Variants in PPARGC1A observed in about 807,000 individuals in gnomAD.
PPARGC1A encodes the protein PPARG coactivator 1 alpha.
Under a neutral mutation model 88.7 loss-of-function variants are expected in PPARGC1A, and 25 were observed. The observed-to-expected ratio is 0.28, with a 90% CI of 0.21 to 0.39. The LOEUF is 0.39. PPARGC1A is among the 10% of genes least tolerant of loss of function. The probability of loss-of-function intolerance (pLI) is 1.00; values close to 1 mark genes in which losing one functional copy is unlikely to be tolerated. For synonymous variants in PPARGC1A, 363 were observed against 355.6 expected (o/e 1.02, Z -0.24); for missense variants, 880 against 968.7 (o/e 0.91, Z 1.22).
chr4:24,257,026 A>G, the PPARGC1A span, among the ~76,000 whole-genome samples: 1 of 152,200 alleles, frequency 6.6e-6, no homozygotes, highest in South Asian at 2.1e-4. Context: ...GTTACTAAAT[A>G]TTTGAAATGT....
At chr4:23,955,635 C>T in the PPARGC1A span, among the ~76,000 whole-genome samples, 2 of 152,010 alleles carry the variant, frequency 1.3e-5, no homozygotes, top group African/African-American at 4.8e-5. Flanking sequence ...GGCTATAACA[C>T]GATCATTTAT....
chr4:23,920,268 T>G, the PPARGC1A span, among the ~76,000 whole-genome samples: 1 of 152,192 alleles, frequency 6.6e-6, no homozygotes, highest in Admixed American at 6.5e-5. Flanking sequence ...TGGGACTGTA[T>G]TCTGCCATGG....
At chr4:23,927,455 T>G in the PPARGC1A span, among the ~76,000 whole-genome samples, 1 of 152,366 alleles carries the variant, frequency 6.6e-6, no homozygotes, top group South Asian at 2.1e-4. Flanking sequence ...TTCTTGTTTT[T>G]GTTTTGTTTA....
At chr4:24,062,058 ACTAT>A in the PPARGC1A span, among the ~76,000 whole-genome samples, 5 of 152,186 alleles carry the variant, frequency 3.3e-5, no homozygotes, top group African/African-American at 4.8e-5. Flanking sequence ...AACTTACTCT[ACTAT>A]CTATCTGTGC....
At chr4:23,889,092 C>T in intron 1 of PPARGC1A, 1 of 985,392 alleles carries the variant, frequency 1.0e-6, no homozygotes, top group Non-Finnish European at 1.2e-6. Context: ...ATTTTCCCCC[C>T]TGTATGAATT....
In PPARGC1A at chr4:23,813,709, C is replaced by T. The variant is rs909364033; in HGVS notation, c.1774G>A (p.Gly592Ser). ...PYSRSRSRSPGSRSSSRSCYY... is the reference protein window; with the variant it reads ...PYSRSRSRSPSSRSSSRSCYY... ...GTTTACCTTGAAGAGGATCTACTGC[C>T]TGGAGACCTTGATCTTGACCTGGAA... Residue 592 changes from glycine (G) to serine (S), a missense_variant, in exon 8 of 13, where the codon GGC (glycine) becomes AGC (serine). Gly to Ser is a moderately conservative substitution (Grantham distance 56, BLOSUM62 0). Coordinates refer to ENST00000264867, the MANE Select transcript of PPARGC1A (RefSeq NM_013261.5). The T allele has an allele frequency of 3.1e-6, 5 of 1,603,904 alleles. No homozygotes were observed. The Admixed American group carries it at 8.4e-5, about 27-fold the overall frequency.
At chr4:24,297,096 T>C in the PPARGC1A span, among the ~76,000 whole-genome samples, 1 of 152,128 alleles carries the variant, frequency 6.6e-6, no homozygotes, top group African/African-American at 2.4e-5. Flanking sequence ...TAAAGAAGTG[T>C]CAAAGTGATT....
intron 7 of PPARGC1A, among the ~76,000 whole-genome samples, chr4:23,821,262 G>A (rs1369261752): frequency 6.6e-6 from 1 of 152,112 alleles, no homozygotes; most frequent in African/African-American, 2.4e-5. Flanking sequence ...TTGTGTCAAC[G>A]TATAAATCTT....
At chr4:23,857,361 G>A (rs1165082900) in intron 2 of PPARGC1A, among the ~76,000 whole-genome samples, 1 of 105,530 alleles carries the variant, frequency 9.5e-6, no homozygotes, top group Non-Finnish European at 1.9e-5. Flanking sequence ...TAGTATGTGC[G>A]TGTGTGTGTG....
chr4:23,811,828 A>T (rs1720943522), intron 10 of PPARGC1A, among the ~76,000 whole-genome samples: 1 of 150,634 alleles, frequency 6.6e-6, no homozygotes. Flanking sequence ...AAAGTAGTTC[A>T]TAAGAAATGT....
chr4:24,432,219 A>G, the PPARGC1A span, among the ~76,000 whole-genome samples: 1 of 152,244 alleles, frequency 6.6e-6, no homozygotes, highest in Non-Finnish European at 1.5e-5. Context: ...TAGGAAGTCC[A>G]GTATACAGGT....
chr4:24,422,089 T>C, the PPARGC1A span, among the ~76,000 whole-genome samples: 272 of 152,328 alleles, frequency 1.8e-3, 3 homozygotes, highest in African/African-American at 6.3e-3. Flanking sequence ...CTATGGCCCA[T>C]AGGCCAAATC....
At chr4:24,214,930 A>G in the PPARGC1A span, among the ~76,000 whole-genome samples, 2 of 152,208 alleles carry the variant, frequency 1.3e-5, no homozygotes, top group African/African-American at 2.4e-5. Flanking sequence ...GCAAACACCA[A>G]GTATGTTGCC....
chr4:24,068,840 C>G, the PPARGC1A span, among the ~76,000 whole-genome samples: 13 of 152,304 alleles, frequency 8.5e-5, no homozygotes, highest in East Asian at 2.5e-3. Context: ...AGAGTTCACT[C>G]TCATCATGGA....
the PPARGC1A span, among the ~76,000 whole-genome samples, chr4:24,346,622 C>T: frequency 1.3e-5 from 2 of 152,084 alleles, no homozygotes; most frequent in African/African-American, 4.8e-5. Context: ...GTTGTAATAT[C>T]TCCTGTTTCA....
At chr4:23,985,914 T>C in the PPARGC1A span, among the ~76,000 whole-genome samples, 1 of 151,956 alleles carries the variant, frequency 6.6e-6, no homozygotes, top group South Asian at 2.1e-4. Context: ...GGTTAAAAAA[T>C]CAGAAAACCT....
chr4:24,123,921 A>C, the PPARGC1A span, among the ~76,000 whole-genome samples: 111 of 151,536 alleles, frequency 7.3e-4, no homozygotes, highest in East Asian at 0.019. Context: ...AAAAAAAAAA[A>C]AAAACAAAAA....
At chr4:24,384,630 T>C in the PPARGC1A span, among the ~76,000 whole-genome samples, 1 of 138,386 alleles carries the variant, frequency 7.2e-6, no homozygotes, top group Admixed American at 7.1e-5. Context: ...CCAAAAAAGG[T>C]CAAAAAAGAC....
the PPARGC1A span, among the ~76,000 whole-genome samples, chr4:24,429,713 A>G: frequency 1.4e-5 from 2 of 144,434 alleles, no homozygotes; most frequent in African/African-American, 5.2e-5. Flanking sequence ...GTGCAGTGGC[A>G]TGATCTTGGC....
Sources: allele counts gnomAD v4.1 joint callset (sites outside exome capture counted in the v4.1 genomes callset), GRCh38; gene constraint gnomAD v4.1.1; transcripts MANE v1.5; gene names NCBI Gene and HGNC (gene_info 2026-07-23, HGNC 2026-07-21).